AGPAT4: variants seen among roughly 807,000 people sequenced by gnomAD.
AGPAT4 encodes the protein 1-acyl-sn-glycerol-3-phosphate acyltransferase delta.
Under a neutral mutation model 48.0 loss-of-function variants are expected in AGPAT4, and 15 were observed. The observed-to-expected ratio is 0.31, with a 90% confidence interval of 0.21 to 0.48. The LOEUF is 0.48. Among genes scored for constraint, AGPAT4 ranks in the 20% least tolerant of loss-of-function variants. AGPAT4 has a pLI of 0.99. For missense variants in AGPAT4, 314 were observed against 482.5 expected (o/e 0.65, Z 3.27); for synonymous variants, 178 against 198.7 (o/e 0.90, Z 0.88).
chr6:161,220,208 C>T lies in AGPAT4; in HGVS notation c.178+11828G>A, dbSNP rs1037981074. Among the ~76,000 whole-genome samples, 4 of 152,186 alleles carry T rather than the reference C, an allele frequency of 2.6e-5. No homozygotes were observed. Among genetic ancestry groups the T allele is most frequent in the African/African-American group, 7.2e-5 (3 of 41,440 alleles). On this transcript the variant is annotated intron_variant, in intron 2 of 8. Transcript: ENST00000320285. The surrounding 1 kb of genome is among the most constrained non-coding windows in gnomAD (Gnocchi z 6.0). ...CCAGATGACCTGAGCTAATAACACA[C>T]TAATGTCATCATCAGACCTCATTCC...
chr6:161,263,538 G>A (rs1783166241), intron 1 of AGPAT4, among the ~76,000 whole-genome samples: 1 of 152,134 alleles, frequency 6.6e-6, no homozygotes, highest in African/African-American at 2.4e-5. Context: ...CATTGGGGAA[G>A]ACAGAAGGAA....
chr6:161,130,371 A>G lies in AGPAT4; in HGVS notation c.*6169T>C, dbSNP rs528998246. On this transcript the variant is annotated 3_prime_UTR_variant, in exon 9 of 9. Coordinates refer to ENST00000320285, the MANE Select transcript of AGPAT4 (RefSeq NM_020133.3). ...CATTACTGCTTGCTTTTATGTACTG[A>G]AAAGTCATCCATTGAATGGTCTGTT... 2.7e-3 allele frequency: 421 copies of G among 154,884 alleles called. No individual in the cohort carries two copies. The highest frequency in any genetic ancestry group is 4.4e-3 in the Non-Finnish European group (308 of 69,596). The allele number at this position is 154,884 out of a possible 1,614,324, so 9.6% of individuals were successfully genotyped here.
chr6:161,143,224 C>T lies in AGPAT4; in HGVS notation c.843+3300G>A, dbSNP rs945828078. Among the ~76,000 whole-genome samples, 5 of 152,146 alleles carry T rather than the reference C, an allele frequency of 3.3e-5. No individual in the cohort carries two copies. Among genetic ancestry groups the T allele is most frequent in the Non-Finnish European group, 5.9e-5 (4 of 68,034 alleles). ...AGTAGCTGGGACTACAGGTGTGTACCGCTAGGTGCAGCTAGTTTGTAAAAT... is the reference window on the plus strand; with the variant it reads ...AGTAGCTGGGACTACAGGTGTGTACTGCTAGGTGCAGCTAGTTTGTAAAAT... On this transcript the variant is annotated intron_variant, in intron 7 of 8. Transcript: ENST00000320285. This position sits in a 1 kb window ranked among gnomAD's most constrained non-coding sequence, Gnocchi z 4.7.
intron 2 of AGPAT4, among the ~76,000 whole-genome samples, chr6:161,192,560 A>T (rs1023831134): frequency 1.1e-4 from 16 of 152,196 alleles, no homozygotes; most frequent in Non-Finnish European, 1.5e-5. Context: ...ACAAGACTTT[A>T]TCATTGTTTA....
chr6:161,261,462 T>C lies in AGPAT4; in HGVS notation c.-90+12476A>G, dbSNP rs1487793981. Among the ~76,000 whole-genome samples the C allele has an allele frequency of 6.6e-6, 1 of 152,144 alleles. No homozygotes were observed. Among genetic ancestry groups the C allele is most frequent in the Admixed American group, 6.5e-5 (1 of 15,284 alleles). On this transcript the variant is annotated intron_variant, in intron 1 of 8. Transcript: ENST00000320285. This position sits in a 1 kb window ranked among gnomAD's most constrained non-coding sequence, Gnocchi z 5.3. ...ATGAGAGGTGGTTAATAAATATCCATAGAATGAATGAACTGAATGGTCAGT... is the reference window on the plus strand; with the variant it reads ...ATGAGAGGTGGTTAATAAATATCCACAGAATGAATGAACTGAATGGTCAGT...
chr6:161,134,734 C>G lies in AGPAT4; in HGVS notation c.*1806G>C, dbSNP rs1018121601. The G allele has an allele frequency of 6.6e-5, 10 of 152,196 alleles. No homozygotes were observed. Among genetic ancestry groups the G allele is most frequent in the African/African-American group, 9.7e-5 (4 of 41,440 alleles). 9.4% of individuals were successfully genotyped at this position (152,196 alleles called of 1,614,324 possible). ...CCACTAGGGCGTGCTCACAGACACGCAAGGCTACACACCATGCACACCTCC... is the reference window on the plus strand; with the variant it reads ...CCACTAGGGCGTGCTCACAGACACGGAAGGCTACACACCATGCACACCTCC... On this transcript the variant is annotated 3_prime_UTR_variant, in exon 9 of 9. Coordinates refer to ENST00000320285, the MANE Select transcript of AGPAT4 (RefSeq NM_020133.3).
chr6:161,247,154 G>A (rs1464658439), intron 1 of AGPAT4, among the ~76,000 whole-genome samples: 1 of 152,208 alleles, frequency 6.6e-6, no homozygotes, highest in East Asian at 1.9e-4. Flanking sequence ...CTGTAGAGGA[G>A]GAACTCAGAT....
chr6:161,175,765 T>C (rs2114988100), intron 2 of AGPAT4, among the ~76,000 whole-genome samples: 1 of 152,350 alleles, frequency 6.6e-6, no homozygotes, highest in East Asian at 1.9e-4. Context: ...CTTTCTCTTG[T>C]GGGCATTTAG....
chr6:161,214,016 G>A lies in AGPAT4; in HGVS notation c.178+18020C>T, dbSNP rs139180304. Reference sequence around the variant, plus strand: ...AAGCTGGGAACTGTTTAGGGCAAACGTGCCACCCATTCTATTCAAAGGCAT... The same window carrying A: ...AAGCTGGGAACTGTTTAGGGCAAACATGCCACCCATTCTATTCAAAGGCAT... On this transcript the variant is annotated intron_variant, in intron 2 of 8. Transcript: ENST00000320285. The surrounding 1 kb of genome is among the most constrained non-coding windows in gnomAD (Gnocchi z 5.4). Among the ~76,000 whole-genome samples, 88 of 152,276 alleles carry A rather than the reference G, an allele frequency of 5.8e-4. 2 individuals carry two copies. The highest frequency in any genetic ancestry group is 8.2e-4 in the African/African-American group (34 of 41,550).
rs188375690 is a variant in AGPAT4 at position 161,249,175 on chromosome 6, C to T, written c.-89-16873G>A. On this transcript the variant is annotated intron_variant, in intron 1 of 8. Coordinates refer to ENST00000320285, the MANE Select transcript of AGPAT4 (RefSeq NM_020133.3). This position sits in a 1 kb window ranked among gnomAD's most constrained non-coding sequence, Gnocchi z 6.2. Reference sequence around the variant, plus strand: ...TATACAAAAATTAACCCAAGATGGACTAAAGACTTAAGTGTAAAATCCAAA... The same window carrying T: ...TATACAAAAATTAACCCAAGATGGATTAAAGACTTAAGTGTAAAATCCAAA... Among the ~76,000 whole-genome samples the T allele has an allele frequency of 1.3e-3, 204 of 152,162 alleles. No homozygotes were observed. The highest frequency in any genetic ancestry group is 3.4e-3 in the Middle Eastern group (1 of 294).
intron 2 of AGPAT4, among the ~76,000 whole-genome samples, chr6:161,182,668 A>C (rs1583309312): frequency 6.6e-6 from 1 of 152,296 alleles, no homozygotes; most frequent in Non-Finnish European, 1.5e-5. Flanking sequence ...CAGGCACTAC[A>C]TCCAGCTTGG....
At chr6:161,170,504 CACAT>C (rs1236592812) in intron 2 of AGPAT4, among the ~76,000 whole-genome samples, 46 of 151,832 alleles carry the variant, frequency 3.0e-4, no homozygotes, top group African/African-American at 9.7e-4. Context: ...CACACACACA[CACAT>C]ACACATATAC....
In AGPAT4 at chr6:161,264,520, C is replaced by G. The variant is rs1436190962; in HGVS notation, c.-90+9418G>C. ...TAGGAAGTATTTTAGGAAGCCCAGA[C>G]TGGGCAGGGGTGGTGAGGTGGTCCC... On this transcript the variant is annotated intron_variant, in intron 1 of 8. Transcript: ENST00000320285. This position sits in a 1 kb window ranked among gnomAD's most constrained non-coding sequence, Gnocchi z 6.8. Among the ~76,000 whole-genome samples the G allele has an allele frequency of 6.6e-6, 1 of 152,242 alleles. No individual in the cohort carries two copies. Among genetic ancestry groups the G allele is most frequent in the Non-Finnish European group, 1.5e-5 (1 of 68,050 alleles).
At chr6:161,260,654 T>C (rs1783071808) in intron 1 of AGPAT4, among the ~76,000 whole-genome samples, 1 of 28,882 alleles carries the variant, frequency 3.5e-5, no homozygotes, top group Non-Finnish European at 6.1e-5. Flanking sequence ...AGACTACGTC[T>C]CAAAAAAAAA....
At chr6:161,190,126 G>C (rs2314157) in intron 2 of AGPAT4, among the ~76,000 whole-genome samples, 68,870 of 152,038 alleles carry the variant, frequency 0.45, 16,394 homozygotes, top group African/African-American at 0.57. Flanking sequence ...GCCAGGGTCA[G>C]GGGAAGGGAG....
rs1583266939 is a variant in AGPAT4, at chr6:161,133,632, A to AAAT, written c.*2905_*2907dup. 1 of 152,206 alleles carries AAAT rather than the reference A, an allele frequency of 6.6e-6. No individual in the cohort carries two copies. Among genetic ancestry groups the AAAT allele is most frequent in the African/African-American group, 2.4e-5 (1 of 41,444 alleles). 9.4% of individuals were successfully genotyped at this position (152,206 alleles called of 1,614,324 possible). The stretch of plus-strand genomic sequence containing the variant: ...CTGGCTTTCCTGGAAGAAGTCCATT[A>AAAT]AATTCCCTGCTTCTATAAGCTGCAG... On this transcript the variant is annotated 3_prime_UTR_variant, in exon 9 of 9. Transcript: ENST00000320285.
rs550556607 is a variant in AGPAT4 at position 161,159,816 on chromosome 6, T to C, written c.349-5506A>G. 1.2e-3 allele frequency among the ~76,000 whole-genome samples: 179 copies of C among 151,316 alleles called. No homozygotes were observed. The East Asian group carries it at 0.016, about 13-fold the overall frequency. ...CTGCCACCGTGCCTGGCTAATTTTT[T>C]GTATTGTTAGTAGAGACGGGGTTTC... On this transcript the variant is annotated intron_variant, in intron 3 of 8. Coordinates refer to ENST00000320285, the MANE Select transcript of AGPAT4 (RefSeq NM_020133.3). This position sits in a 1 kb window ranked among gnomAD's most constrained non-coding sequence, Gnocchi z 4.1.
At chr6:161,157,578 G>A (rs1354133718) in intron 3 of AGPAT4, among the ~76,000 whole-genome samples, 1 of 152,190 alleles carries the variant, frequency 6.6e-6, no homozygotes, top group East Asian at 1.9e-4. Flanking sequence ...CTCCCAAAGT[G>A]CTGGGGTAAC....
rs567952585 is a variant in AGPAT4 at position 161,244,019 on chromosome 6, A to G, written c.-89-11717T>C. On this transcript the variant is annotated intron_variant, in intron 1 of 8. Transcript: ENST00000320285. The surrounding 1 kb of genome is among the most constrained non-coding windows in gnomAD (Gnocchi z 4.7). ...AAGTTAACTGTCAATTCCCTACATA[A>G]ATCTCATTGAAGAAATGAGTTGAAT... 9.2e-5 allele frequency among the ~76,000 whole-genome samples: 14 copies of G among 152,272 alleles called. No homozygotes were observed. The East Asian group carries it at 2.7e-3, about 29-fold the overall frequency.
Sources: gnomAD v4.1 joint callset for allele counts (sites outside exome capture counted in the v4.1 genomes callset) on GRCh38, gnomAD v4.1.1 for gene constraint, Gnocchi (gnomAD v3.1) non-coding constraint, MANE v1.5 for transcripts, NCBI Gene and HGNC (gene_info 2026-07-23, HGNC 2026-07-21) for gene names.